CAMKMT: variants seen among roughly 807,000 people sequenced by gnomAD.
The protein encoded by CAMKMT is CaM KMT.
Under a neutral mutation model 48.0 loss-of-function variants are expected in CAMKMT, and 53 were observed. The observed-to-expected ratio is 1.10, with a 90% CI of 0.89 to 1.39. CAMKMT has a LOEUF of 1.39. Among genes scored for constraint, CAMKMT ranks in the 40% most tolerant of loss-of-function variants. CAMKMT has a pLI of 0.00. For missense variants in CAMKMT, 428 were observed against 402.7 expected, an observed-to-expected ratio of 1.06 and a Z score of -0.54; for synonymous variants, 165 against 152.3, an observed-to-expected ratio of 1.08 and a Z score of -0.61.
chr2:44,631,899 A>G (rs1672854322), intron 3 of CAMKMT, among the ~76,000 whole-genome samples: 1 of 152,112 alleles, frequency 6.6e-6, no homozygotes, highest in Non-Finnish European at 1.5e-5. Flanking sequence ...TAAACTATAT[A>G]ACTTTAATTT....
At chr2:44,456,808 T>C in intron 3 of CAMKMT, 1 of 519,692 alleles carries the variant, frequency 1.9e-6, no homozygotes, top group Non-Finnish European at 3.3e-6. Flanking sequence ...TTTCCTATTT[T>C]ACGATTTCTC....
Position 44,372,813 on chromosome 2 carries a change from G to C in CAMKMT, c.236G>C (p.Arg79Thr). 1 of 1,613,914 alleles carries C rather than the reference G, an allele frequency of 6.2e-7. No individual in the cohort carries two copies. The highest frequency in any genetic ancestry group is 8.5e-7 in the Non-Finnish European group (1 of 1,179,900). The change falls in exon 2 of 11, where the codon AGG becomes ACG. Residue 79 changes from arginine to threonine, a missense_variant. Coordinates refer to ENST00000378494, the MANE Select transcript of CAMKMT (RefSeq NM_024766.5). ...TTTTCAGTAACAGAAGGCAAAGAAAGGGAAACTGAAGAGGAGGTTGGTGCA... is the reference window on the plus strand; with the variant it reads ...TTTTCAGTAACAGAAGGCAAAGAAACGGAAACTGAAGAGGAGGTTGGTGCA... ...NLFSVTEGKE[R>T]ETEEEVGAWV...
At chr2:44,609,631 G>A (rs953326125) in intron 3 of CAMKMT, among the ~76,000 whole-genome samples, 11 of 152,198 alleles carry the variant, frequency 7.2e-5, no homozygotes, top group African/African-American at 2.7e-4. Context: ...ATTACTAAGT[G>A]CTTCTTGACC....
intron 3 of CAMKMT, among the ~76,000 whole-genome samples, chr2:44,696,734 G>A (rs1676976748): frequency 6.6e-6 from 1 of 151,968 alleles, no homozygotes; most frequent in African/African-American, 2.4e-5. Context: ...CCTGAGGGAA[G>A]CTTTTAATGT....
chr2:44,445,323 C>T (rs926328670), intron 3 of CAMKMT, among the ~76,000 whole-genome samples: 6 of 152,046 alleles, frequency 3.9e-5, no homozygotes, highest in African/African-American at 1.4e-4. Flanking sequence ...TTCCTTCTTT[C>T]CCTCACATAC....
intron 7 of CAMKMT, among the ~76,000 whole-genome samples, chr2:44,729,716 C>T (rs1678978973): frequency 6.6e-6 from 1 of 152,004 alleles, no homozygotes; most frequent in South Asian, 2.1e-4. Context: ...AGGCAAGCCG[C>T]TACAGCCAAG....
At chr2:44,568,524 A>G (rs1373593163) in intron 3 of CAMKMT, among the ~76,000 whole-genome samples, 1 of 152,146 alleles carries the variant, frequency 6.6e-6, no homozygotes, top group Non-Finnish European at 1.5e-5. Flanking sequence ...TTAATATGCC[A>G]CTGACTGATG....
At chr2:44,741,834 C>T (rs1679693429) in intron 7 of CAMKMT, among the ~76,000 whole-genome samples, 1 of 152,160 alleles carries the variant, frequency 6.6e-6, no homozygotes, top group Non-Finnish European at 1.5e-5. Context: ...GCTGAAGCAC[C>T]TCAGGAATAC....
intron 3 of CAMKMT, among the ~76,000 whole-genome samples, chr2:44,633,441 C>G (rs1313701627): frequency 5.9e-5 from 9 of 152,124 alleles, no homozygotes; most frequent in East Asian, 1.9e-4. Context: ...CACTGAGGCT[C>G]TGTTGTTTTT....
chr2:44,726,937 G>T (rs746997488), intron 7 of CAMKMT, among the ~76,000 whole-genome samples: 4 of 152,090 alleles, frequency 2.6e-5, no homozygotes, highest in Non-Finnish European at 5.9e-5. Context: ...CAAGTGTGCG[G>T]CTTTATTTCT....
intron 3 of CAMKMT, among the ~76,000 whole-genome samples, chr2:44,462,581 G>A (rs989515880): frequency 2.0e-5 from 3 of 152,042 alleles, no homozygotes; most frequent in Non-Finnish European, 4.4e-5. Context: ...AAACTGTAGT[G>A]AATATGTATT....
At chr2:44,625,707 G>A (rs894529939) in intron 3 of CAMKMT, among the ~76,000 whole-genome samples, 2 of 152,030 alleles carry the variant, frequency 1.3e-5, no homozygotes, top group Admixed American at 6.5e-5. Context: ...GGTAAGGGTC[G>A]AGGTTCATTT....
chr2:44,375,255 C>T (rs1227621986), intron 2 of CAMKMT, among the ~76,000 whole-genome samples: 2 of 150,480 alleles, frequency 1.3e-5, no homozygotes, highest in Non-Finnish European at 3.0e-5. Flanking sequence ...AAGTGGAGTA[C>T]TCTCATCTTC....
intron 3 of CAMKMT, among the ~76,000 whole-genome samples, chr2:44,468,054 C>T (rs1314113238): frequency 6.6e-6 from 1 of 152,086 alleles, no homozygotes; most frequent in Non-Finnish European, 1.5e-5. Context: ...AAACAATCAA[C>T]AGAGTGAAAA....
chr2:44,424,508 A>G (rs1352750271), intron 3 of CAMKMT, among the ~76,000 whole-genome samples: 1 of 152,146 alleles, frequency 6.6e-6, no homozygotes, highest in Non-Finnish European at 1.5e-5. Flanking sequence ...CTCATACAAT[A>G]TCTGGAATCT....
At chr2:44,613,568 G>A (rs1671712618) in intron 3 of CAMKMT, among the ~76,000 whole-genome samples, 2 of 152,128 alleles carry the variant, frequency 1.3e-5, no homozygotes, top group South Asian at 2.1e-4. Context: ...AAATAAAAAG[G>A]TGAATAAGTC....
chr2:44,504,158 C>A (rs1278452176), intron 3 of CAMKMT, among the ~76,000 whole-genome samples: 1 of 152,044 alleles, frequency 6.6e-6, no homozygotes, highest in Non-Finnish European at 1.5e-5. Flanking sequence ...ATTAGGGTTT[C>A]AACATATTAA....
intron 3 of CAMKMT, among the ~76,000 whole-genome samples, chr2:44,584,152 A>G (rs1669721268): frequency 1.3e-5 from 2 of 152,122 alleles, no homozygotes; most frequent in Admixed American, 1.3e-4. Flanking sequence ...GCTCAGCCTG[A>G]TGTTTCTGAG....
chr2:44,624,548 G>A (rs957426152), intron 3 of CAMKMT, among the ~76,000 whole-genome samples: 16 of 151,910 alleles, frequency 1.1e-4, no homozygotes, highest in Non-Finnish European at 2.1e-4. Context: ...TCATTGTTCA[G>A]TTCCTACCTA....
Sources: gnomAD v4.1 joint callset for allele counts (sites outside exome capture counted in the v4.1 genomes callset) on GRCh38, gnomAD v4.1.1 for gene constraint, MANE v1.5 for transcripts, NCBI Gene and HGNC (gene_info 2026-07-23, HGNC 2026-07-21) for gene names.